The following DYNLL2 variants were observed in gnomAD, a reference collection of about 807,000 sequenced individuals.
DYNLL2 encodes dynein light chain 2, cytoplasmic.
Under a neutral mutation model 9.7 loss-of-function variants are expected in DYNLL2, and 1 was observed. The ratio of observed to expected loss-of-function variants is 0.10; its 90% CI spans 0.04 to 0.49. The LOEUF (loss-of-function observed/expected upper bound fraction) is 0.49. DYNLL2 is among the 20% of genes least tolerant of loss of function. The probability of loss-of-function intolerance (pLI) is 0.95; values close to 1 mark genes in which losing one functional copy is unlikely to be tolerated. For synonymous variants in DYNLL2, 35 were observed against 40.5 expected (o/e 0.86, Z 0.52); for missense variants, 37 against 115.2 (o/e 0.32, Z 3.11).
rs2075786221 is a variant in DYNLL2 at position 58,093,103 on chromosome 17, G to T, written c.*3824G>T. The T allele has an allele frequency of 1.3e-5, 2 of 152,244 alleles. No individual in the cohort carries two copies. Among genetic ancestry groups the T allele is most frequent in the African/African-American group, 4.8e-5 (2 of 41,462 alleles). 9.4% of individuals were successfully genotyped at this position (152,244 alleles called of 1,614,324 possible). ...CTTATCTTCAAGTAAACAGAACAGT[G>T]CCTGTCCTGTAGGAAGTGTTTGATA... On this transcript the variant is annotated 3_prime_UTR_variant, in exon 3 of 3. Transcript: ENST00000579991.
At chr17:58,086,978 C>T in intron 1 of DYNLL2, 104 bp from the exon 2 acceptor site, 1 of 1,404,360 alleles carries the variant, frequency 7.1e-7, no homozygotes, top group Non-Finnish European at 9.8e-7. Flanking sequence ...CTGTTGCCCT[C>T]ACCTTCTATA....
Position 58,092,366 on chromosome 17 carries a change from TC to T in DYNLL2, c.*3089del, listed in dbSNP as rs1221466067. 6.6e-6 allele frequency: 1 copy of T among 152,222 alleles called. No individual in the cohort carries two copies. Among genetic ancestry groups the T allele is most frequent in the Non-Finnish European group, 1.5e-5 (1 of 68,070 alleles). The allele number at this position is 152,222 out of a possible 1,614,324, so 9.4% of individuals were successfully genotyped here. A position where few individuals can be genotyped will look rare whatever the true frequency, so the allele number is the denominator to read the frequency against. Reference sequence around the variant, plus strand: ...CAGGTGGCATCTGTGAACAACACATTCCTGCACAGGTAGGTGCACAGTGCTC... The same window carrying T: ...CAGGTGGCATCTGTGAACAACACATTCTGCACAGGTAGGTGCACAGTGCTC... On this transcript the variant is annotated 3_prime_UTR_variant, in exon 3 of 3. Transcript: ENST00000579991.
intron 2 of DYNLL2, 36 bp downstream of exon 2, chr17:58,087,258 G>A: frequency 6.2e-7 from 1 of 1,610,252 alleles, no homozygotes; most frequent in Non-Finnish European, 8.5e-7. Context: ...GGCCAGGGGT[G>A]GGGATCGACA....
At position 58,094,196 on chromosome 17, in the gene DYNLL2, A is replaced by G. The variant is rs1460180282; in HGVS notation, c.*4917A>G. The G allele has an allele frequency of 6.6e-6, 1 of 152,110 alleles. No individual in the cohort carries two copies. Among genetic ancestry groups the G allele is most frequent in the Non-Finnish European group, 1.5e-5 (1 of 68,024 alleles). The allele number at this position is 152,110 out of a possible 1,614,324, so 9.4% of individuals were successfully genotyped here. ...CCTGGAGTCGAATCTCAGCTCCAAC[A>G]CCCACTGGATGAACGTGGACAAGCT... On this transcript the variant is annotated 3_prime_UTR_variant, in exon 3 of 3. Transcript: ENST00000579991.
rs773917106 is a variant in DYNLL2 at position 58,094,571 on chromosome 17, G to A, written c.*5292G>A. 5.9e-5 allele frequency: 9 copies of A among 152,252 alleles called. No individual in the cohort carries two copies. Among genetic ancestry groups the A allele is most frequent in the Non-Finnish European group, 1.3e-4 (9 of 68,068 alleles). The allele number at this position is 152,252 out of a possible 1,614,324, so 9.4% of individuals were successfully genotyped here. On this transcript the variant is annotated 3_prime_UTR_variant, in exon 3 of 3. Transcript: ENST00000579991. ...CCAGGTTTGATTTTGATTTGCAGTG[G>A]CAGAGAGGACTAATTTTTTACTAGG...
At chr17:58,088,955 G>C (rs1279207735) in intron 2 of DYNLL2, among the ~76,000 whole-genome samples, 187 bp from the exon 3 acceptor site, 1 of 151,988 alleles carries the variant, frequency 6.6e-6, no homozygotes, top group Admixed American at 6.6e-5. Flanking sequence ...TTAATGAGGG[G>C]AAGAGTGTCC....
chr17:58,092,814 C>T lies in DYNLL2; in HGVS notation c.*3535C>T, dbSNP rs1267356992. ...ACTGTCGATCTCTGTTCCCTGAACTCTAGTGTCCTCCAGACTAGATTTAAG... is the reference window on the plus strand; with the variant it reads ...ACTGTCGATCTCTGTTCCCTGAACTTTAGTGTCCTCCAGACTAGATTTAAG... On this transcript the variant is annotated 3_prime_UTR_variant, in exon 3 of 3. Transcript: ENST00000579991. 2 of 152,218 alleles carry T rather than the reference C, an allele frequency of 1.3e-5. No homozygotes were observed. Among genetic ancestry groups the T allele is most frequent in the African/African-American group, 4.8e-5 (2 of 41,444 alleles). The allele number at this position is 152,218 out of a possible 1,614,324, so 9.4% of individuals were successfully genotyped here.
chr17:58,089,315 G>C lies in DYNLL2; in HGVS notation c.*36G>C. Reference sequence around the variant, plus strand: ...TGAAGGTGTCAGTGGCGGCGGCAGCGATGGCAAGCAGGCGGCGTTGCTGGG... The same window carrying C: ...TGAAGGTGTCAGTGGCGGCGGCAGCCATGGCAAGCAGGCGGCGTTGCTGGG... On this transcript the variant is annotated 3_prime_UTR_variant, in exon 3 of 3. Transcript: ENST00000579991. 4 of 1,606,620 alleles carry C rather than the reference G, an allele frequency of 2.5e-6. No individual in the cohort carries two copies. The highest frequency in any genetic ancestry group is 3.4e-6 in the Non-Finnish European group (4 of 1,175,850).
In DYNLL2 at chr17:58,090,625, C is replaced by T. The variant is rs1359027041; in HGVS notation, c.*1346C>T. 1 of 152,600 alleles carries T rather than the reference C, an allele frequency of 6.6e-6. No individual in the cohort carries two copies. The highest frequency in any genetic ancestry group is 6.6e-5 in the Admixed American group (1 of 15,234). 9.5% of individuals were successfully genotyped at this position (152,600 alleles called of 1,614,324 possible). ...AGAGCTAAGAGGAGCTTCTGGGAGC[C>T]TTGGAGGAGGTCAGTCTTGCAGTGG... On this transcript the variant is annotated 3_prime_UTR_variant, in exon 3 of 3. Coordinates refer to ENST00000579991, the MANE Select transcript of DYNLL2 (RefSeq NM_080677.3).
intron 1 of DYNLL2, among the ~76,000 whole-genome samples, chr17:58,086,543 C>T (rs1190293824): frequency 6.6e-6 from 1 of 152,172 alleles, no homozygotes; most frequent in Non-Finnish European, 1.5e-5. Context: ...TCTAAGACCA[C>T]GAGAGATAAA....
rs1165394728 is a variant in DYNLL2, at chr17:58,090,999, C to G, written c.*1720C>G. On this transcript the variant is annotated 3_prime_UTR_variant, in exon 3 of 3. Transcript: ENST00000579991. ...TGGGTGGTGACTGAGTTCCCTTTAT[C>G]AAACCCTTCAGTGGGCACAAAATTG... 1 of 152,150 alleles carries G rather than the reference C, an allele frequency of 6.6e-6. No individual in the cohort carries two copies. Among genetic ancestry groups the G allele is most frequent in the Non-Finnish European group, 1.5e-5 (1 of 68,046 alleles). The allele number at this position is 152,150 out of a possible 1,614,324, so 9.4% of individuals were successfully genotyped here. A position where few individuals can be genotyped will look rare whatever the true frequency, so the allele number is the denominator to read the frequency against.
intron 1 of DYNLL2, among the ~76,000 whole-genome samples, chr17:58,085,558 CTG>C (rs1469489040): frequency 6.6e-6 from 1 of 152,158 alleles, no homozygotes; most frequent in African/African-American, 2.4e-5. Context: ...TGTGTTGGGA[CTG>C]TGGTCAAGGA....
chr17:58,093,679 T>G lies in DYNLL2; in HGVS notation c.*4400T>G, dbSNP rs1314329740. The G allele has an allele frequency of 2.6e-5, 4 of 152,160 alleles. No homozygotes were observed. The highest frequency in any genetic ancestry group is 5.9e-5 in the Non-Finnish European group (4 of 68,042). The allele number at this position is 152,160 out of a possible 1,614,324, so 9.4% of individuals were successfully genotyped here. ...AGGACAGCGAGGATACTTTCCTCTCTCCCTCCTCCTTACTCCTCTCTACTA... is the reference window on the plus strand; with the variant it reads ...AGGACAGCGAGGATACTTTCCTCTCGCCCTCCTCCTTACTCCTCTCTACTA... On this transcript the variant is annotated 3_prime_UTR_variant, in exon 3 of 3. Transcript: ENST00000579991.
At chr17:58,088,971 A>G (rs902501416) in intron 2 of DYNLL2, among the ~76,000 whole-genome samples, 171 bp from the exon 3 acceptor site, 1 of 151,744 alleles carries the variant, frequency 6.6e-6, no homozygotes, top group Non-Finnish European at 1.5e-5. Context: ...TGTCCTGGCC[A>G]GCTTTAAAAC....
At chr17:58,085,557 A>G (rs1393263766) in intron 1 of DYNLL2, among the ~76,000 whole-genome samples, 2 of 152,052 alleles carry the variant, frequency 1.3e-5, no homozygotes, top group Admixed American at 6.5e-5. Context: ...ATGTGTTGGG[A>G]CTGTGGTCAA....
rs1390125495 is a variant in DYNLL2 at position 58,093,975 on chromosome 17, A to G, written c.*4696A>G. On this transcript the variant is annotated 3_prime_UTR_variant, in exon 3 of 3. Coordinates refer to ENST00000579991, the MANE Select transcript of DYNLL2 (RefSeq NM_080677.3). Reference sequence around the variant, plus strand: ...CCACAGACTGCTACTGTGCCAATATAGAGGTTCATAAGAAAGATAAAAGAG... The same window carrying G: ...CCACAGACTGCTACTGTGCCAATATGGAGGTTCATAAGAAAGATAAAAGAG... 6.6e-6 allele frequency: 1 copy of G among 152,214 alleles called. No homozygotes were observed. Among genetic ancestry groups the G allele is most frequent in the African/African-American group, 2.4e-5 (1 of 41,454 alleles). 9.4% of individuals were successfully genotyped at this position (152,214 alleles called of 1,614,324 possible).
At chr17:58,085,570 A>G (rs2075757009) in intron 1 of DYNLL2, among the ~76,000 whole-genome samples, 1 of 152,142 alleles carries the variant, frequency 6.6e-6, no homozygotes, top group South Asian at 2.1e-4. Flanking sequence ...GTGGTCAAGG[A>G]CAAAGGGCTC....
rs2075782859 is a variant in DYNLL2 at position 58,092,266 on chromosome 17, GTT to G, written c.*2988_*2989del. The G allele has an allele frequency of 1.3e-5, 2 of 152,242 alleles. No homozygotes were observed. Among genetic ancestry groups the G allele is most frequent in the South Asian group, 4.1e-4 (2 of 4,836 alleles). 9.4% of individuals were successfully genotyped at this position (152,242 alleles called of 1,614,324 possible). A position where few individuals can be genotyped will look rare whatever the true frequency, so the allele number is the denominator to read the frequency against. ...CTTTGGGAGGGAGAGTGAGGCCACA[GTT>G]CACATTTCATCAGGGATGAGTGTCT... On this transcript the variant is annotated 3_prime_UTR_variant, in exon 3 of 3. Coordinates refer to ENST00000579991, the MANE Select transcript of DYNLL2 (RefSeq NM_080677.3).
At position 58,094,335 on chromosome 17, in the gene DYNLL2, GAT is replaced by G; in HGVS notation, c.*5057_*5058del. 1 of 28,462 alleles carries G rather than the reference GAT, an allele frequency of 3.5e-5. No individual in the cohort carries two copies. Among genetic ancestry groups the G allele is most frequent in the Non-Finnish European group, 1.5e-4 (1 of 6,782 alleles). The allele number at this position is 28,462 out of a possible 1,614,324, so 1.8% of individuals were successfully genotyped here. A position where few individuals can be genotyped will look rare whatever the true frequency, so the allele number is the denominator to read the frequency against. ...TATGTGAAAATGCTTAGAAATGGGT[GAT>G]GATGATGATGATGATACTGATTATT... On this transcript the variant is annotated 3_prime_UTR_variant, in exon 3 of 3. Coordinates refer to ENST00000579991, the MANE Select transcript of DYNLL2 (RefSeq NM_080677.3).
Sources: allele counts gnomAD v4.1 joint callset (sites outside exome capture counted in the v4.1 genomes callset), GRCh38; gene constraint gnomAD v4.1.1; transcripts MANE v1.5; gene names NCBI Gene and HGNC (gene_info 2026-07-23, HGNC 2026-07-21).